KLHL6: variants seen among roughly 807,000 people sequenced by gnomAD.
KLHL6 encodes the protein kelch like family member 6, also known as kelch-like protein 6.
In KLHL6, 41 loss-of-function variants were observed where a neutral mutation model predicts 58.6. The observed-to-expected ratio is 0.70, with a 90% CI of 0.55 to 0.91. The LOEUF (loss-of-function observed/expected upper bound fraction) is 0.91. KLHL6 is among the 40% of genes least tolerant of loss of function. KLHL6 has a pLI of 0.00. For missense variants in KLHL6, 714 were observed against 805.6 expected, an observed-to-expected ratio of 0.89 and a Z score of 1.38; for synonymous variants, 338 against 322.7, an observed-to-expected ratio of 1.05 and a Z score of -0.51.
chr3:183,535,547 C>T (rs1299999374), intron 1 of KLHL6, among the ~76,000 whole-genome samples: 2 of 152,208 alleles, frequency 1.3e-5, no homozygotes, highest in East Asian at 3.8e-4. Context: ...GACCCACCAA[C>T]ATGACATTTA....
intron 5 of KLHL6, chr3:183,493,151 C>T (rs1717620702): frequency 1.5e-5 from 3 of 194,930 alleles, no homozygotes; most frequent in Non-Finnish European, 3.2e-5. Context: ...ACGGTGGCCA[C>T]AGGTAAGCAG....
intron 3 of KLHL6, among the ~76,000 whole-genome samples, chr3:183,507,168 AG>A (rs1718032221): frequency 6.6e-6 from 1 of 152,316 alleles, no homozygotes; most frequent in South Asian, 2.1e-4. Context: ...CCAATGAAGA[AG>A]GCAAGCCCAG....
Position 183,499,914 on chromosome 3 carries a change from TC to T in KLHL6, c.910-88del. ...GGAGCCATTAGGAGTCGGGTCCAAT[TC>T]CCATATCTGCCACGGTATGACCATG... On this transcript the variant is annotated intron_variant, in intron 3 of 6. Coordinates refer to ENST00000341319, the MANE Select transcript of KLHL6 (RefSeq NM_130446.4). This position sits in a 1 kb window ranked among gnomAD's most constrained non-coding sequence, Gnocchi z 4.6. 3 of 928,720 alleles carry T rather than the reference TC, an allele frequency of 3.2e-6. No homozygotes were observed. Among genetic ancestry groups the T allele is most frequent in the Non-Finnish European group, 4.7e-6 (3 of 633,384 alleles). 57.5% of individuals were successfully genotyped at this position (928,720 alleles called of 1,614,324 possible). A position where few individuals can be genotyped will look rare whatever the true frequency, so the allele number is the denominator to read the frequency against.
chr3:183,520,028 A>T (rs1711703770), intron 2 of KLHL6, among the ~76,000 whole-genome samples: 1 of 152,150 alleles, frequency 6.6e-6, no homozygotes, highest in African/African-American at 2.4e-5. Context: ...GAACAATATG[A>T]AATTCAAAAG....
chr3:183,547,272 A>T (rs1366584288), intron 1 of KLHL6, among the ~76,000 whole-genome samples: 1 of 152,194 alleles, frequency 6.6e-6, no homozygotes, highest in African/African-American at 2.4e-5. Flanking sequence ...CTGAAGTACT[A>T]ATGCATTAGA....
rs1717465334 is a variant in KLHL6, at chr3:183,488,735, T to A, written c.*3192A>T. On this transcript the variant is annotated 3_prime_UTR_variant, in exon 7 of 7. Coordinates refer to ENST00000341319, the MANE Select transcript of KLHL6 (RefSeq NM_130446.4). ...AATGGATTTTAGATTTTAGAAGTTC[T>A]CATCCTTGGCTGGTGCCTAGAAGCT... The A allele has an allele frequency of 6.6e-6, 1 of 152,230 alleles. No individual in the cohort carries two copies. Among genetic ancestry groups the A allele is most frequent in the Non-Finnish European group, 1.5e-5 (1 of 68,044 alleles). 9.4% of individuals were successfully genotyped at this position (152,230 alleles called of 1,614,324 possible). A position where few individuals can be genotyped will look rare whatever the true frequency, so the allele number is the denominator to read the frequency against.
At chr3:183,496,284 C>G (rs949199929) in intron 4 of KLHL6, among the ~76,000 whole-genome samples, 24 of 152,052 alleles carry the variant, frequency 1.6e-4, no homozygotes, top group African/African-American at 5.6e-4. Flanking sequence ...ATACAATTAT[C>G]TGGTAAATAT....
At chr3:183,543,156 G>A (rs1441875008) in intron 1 of KLHL6, among the ~76,000 whole-genome samples, 1 of 152,028 alleles carries the variant, frequency 6.6e-6, no homozygotes, top group East Asian at 1.9e-4. Context: ...ATCTTGTTGT[G>A]TTGACCTGTA....
rs907968266 is a variant in KLHL6, at chr3:183,491,865, G to T, written c.*62C>A. The T allele has an allele frequency of 5.1e-6, 7 of 1,377,814 alleles. No homozygotes were observed. In the African/African-American group the frequency reaches 5.9e-5, roughly 12 times the overall value. 85.3% of individuals were successfully genotyped at this position (1,377,814 alleles called of 1,614,324 possible). On this transcript the variant is annotated 3_prime_UTR_variant, in exon 7 of 7. Coordinates refer to ENST00000341319, the MANE Select transcript of KLHL6 (RefSeq NM_130446.4). ...TGCTGCCTGAAGTGGGACTGGAGGA[G>T]GGTGAGAGGTGAGGCGGGTACGCTG...
intron 1 of KLHL6, among the ~76,000 whole-genome samples, chr3:183,544,957 A>G (rs1337643393): frequency 6.6e-6 from 1 of 152,154 alleles, no homozygotes; most frequent in African/African-American, 2.4e-5. Context: ...AGGTAGAGAA[A>G]GTCCCTCATT....
intron 2 of KLHL6, among the ~76,000 whole-genome samples, chr3:183,526,204 G>GGGA (rs935103195): frequency 2.0e-5 from 3 of 152,118 alleles, no homozygotes; most frequent in Admixed American, 1.3e-4. Context: ...CCAGCTACTC[G>GGGA]GGAGGCTGAG....
intron 3 of KLHL6, among the ~76,000 whole-genome samples, chr3:183,507,391 A>G (rs562746966): frequency 6.6e-6 from 1 of 152,226 alleles, no homozygotes; most frequent in South Asian, 2.1e-4. Context: ...AATAGTGACT[A>G]GACAGGGCAC....
chr3:183,512,077 A>C (rs1348030161), intron 2 of KLHL6, among the ~76,000 whole-genome samples: 1 of 152,234 alleles, frequency 6.6e-6, no homozygotes, highest in Non-Finnish European at 1.5e-5. Flanking sequence ...GCAGATTTTC[A>C]GTTCAAAGAC....
At chr3:183,513,164 G>A (rs1210990258) in intron 2 of KLHL6, among the ~76,000 whole-genome samples, 1 of 152,156 alleles carries the variant, frequency 6.6e-6, no homozygotes, top group Admixed American at 6.5e-5. Flanking sequence ...AGGACGCAAT[G>A]AGAAAATAAA....
At chr3:183,537,793 T>C (rs1027355006) in intron 1 of KLHL6, among the ~76,000 whole-genome samples, 1 of 152,108 alleles carries the variant, frequency 6.6e-6, no homozygotes, top group Non-Finnish European at 1.5e-5. Flanking sequence ...TAATCTAAAA[T>C]CGCCACTCCC....
At chr3:183,494,380 C>G in intron 4 of KLHL6, 99 bp from the exon 5 acceptor site, 1 of 952,998 alleles carries the variant, frequency 1.0e-6, no homozygotes, top group Non-Finnish European at 1.6e-6. Flanking sequence ...GGTCCCCAGG[C>G]CAGCCCTACC....
intron 2 of KLHL6, chr3:183,521,273 A>G (rs4401383): frequency 0.19 from 28,389 of 152,326 alleles, 3,578 homozygotes; most frequent in East Asian, 0.63. Context: ...CGTAGTACAG[A>G]ACAAAATGGA....
rs1224472659 is a variant in KLHL6, at chr3:183,489,528, G to A, written c.*2399C>T. On this transcript the variant is annotated 3_prime_UTR_variant, in exon 7 of 7. Transcript: ENST00000341319. Reference sequence around the variant, plus strand: ...TCTAGCGTGGAGATTTGCCATTCGTGGGTGTCCTCAAGGCTTGACAGACAT... The same window carrying A: ...TCTAGCGTGGAGATTTGCCATTCGTAGGTGTCCTCAAGGCTTGACAGACAT... The A allele has an allele frequency of 6.6e-6, 1 of 152,190 alleles. No homozygotes were observed. Among genetic ancestry groups the A allele is most frequent in the Non-Finnish European group, 1.5e-5 (1 of 68,028 alleles). 9.4% of individuals were successfully genotyped at this position (152,190 alleles called of 1,614,324 possible). A position where few individuals can be genotyped will look rare whatever the true frequency, so the allele number is the denominator to read the frequency against.
In KLHL6 at chr3:183,499,558, G is replaced by T. The variant is rs375812139; in HGVS notation, c.1147+32C>A. 6.8e-7 allele frequency: 1 copy of T among 1,467,366 alleles called. No homozygotes were observed. Among genetic ancestry groups the T allele is most frequent in the East Asian group, 2.3e-5 (1 of 43,300 alleles). The allele number at this position is 1,467,366 out of a possible 1,614,324, so 90.9% of individuals were successfully genotyped here. Reference sequence around the variant, plus strand: ...CAGGAATATATGTAGTGCTACTGGAGCTTGCTTTGCCTTTACATGACTCCT... The same window carrying T: ...CAGGAATATATGTAGTGCTACTGGATCTTGCTTTGCCTTTACATGACTCCT... On this transcript the variant is annotated intron_variant, in intron 4 of 6. Coordinates refer to ENST00000341319, the MANE Select transcript of KLHL6 (RefSeq NM_130446.4). This position sits in a 1 kb window ranked among gnomAD's most constrained non-coding sequence, Gnocchi z 4.6.
Sources: gnomAD v4.1 joint callset for allele counts (sites outside exome capture counted in the v4.1 genomes callset) on GRCh38, gnomAD v4.1.1 for gene constraint, Gnocchi (gnomAD v3.1) non-coding constraint, MANE v1.5 for transcripts, NCBI Gene and HGNC (gene_info 2026-07-23, HGNC 2026-07-21) for gene names.